The following DNAJB12 variants were observed in gnomAD, a reference collection of about 807,000 sequenced individuals.
DNAJB12 encodes DnaJ heat shock protein family (Hsp40) member B12.
Under a neutral mutation model 40.6 loss-of-function variants are expected in DNAJB12, and 14 were observed. The ratio of observed to expected loss-of-function variants is 0.34; its 90% CI spans 0.23 to 0.54. The LOEUF (loss-of-function observed/expected upper bound fraction) is 0.54, where lower values mean the gene tolerates loss of function less well. Among genes scored for constraint, DNAJB12 ranks in the 20% least tolerant of loss-of-function variants. The probability of loss-of-function intolerance (pLI) is 0.92; values close to 1 mark genes in which losing one functional copy is unlikely to be tolerated. For missense variants in DNAJB12, 444 were observed against 501.7 expected, an observed-to-expected ratio of 0.89 and a Z score of 1.10; for synonymous variants, 181 against 199.5, an observed-to-expected ratio of 0.91 and a Z score of 0.78.
chr10:72,354,817 C>G lies in DNAJB12; in HGVS notation c.81G>C (p.Ala27=). The part of the protein sequence containing the change: ...KAIQSNQPDR[A]LRFLEKAQRL... ...GCTGTGCCTTCTCCAGGAAGCGGAGCGCCCGGTCGGGCTGGTTGCTCTGGA... is the reference window on the plus strand; with the variant it reads ...GCTGTGCCTTCTCCAGGAAGCGGAGGGCCCGGTCGGGCTGGTTGCTCTGGA... Residue 27 remains alanine (A), a synonymous_variant, in exon 1 of 9, where the codon GCG becomes GCC. Transcript: ENST00000444643. The G allele has an allele frequency of 6.2e-7, 1 of 1,613,996 alleles. No homozygotes were observed.
At chr10:72,344,915 T>A (rs3793834) in intron 2 of DNAJB12, 35 bp downstream of exon 2, 55,605 of 1,612,480 alleles carry the variant, frequency 0.034, 2,126 homozygotes, top group African/African-American at 0.2. Context: ...ATTTCCCCAG[T>A]CTCCCCAGGC....
At chr10:72,342,699 G>A (rs1433944212) in intron 3 of DNAJB12, among the ~76,000 whole-genome samples, 2 of 152,240 alleles carry the variant, frequency 1.3e-5, no homozygotes, top group Admixed American at 6.5e-5. Flanking sequence ...AAGACATGGT[G>A]GGAATGAGAG....
At chr10:72,339,547 A>G (rs1861573329) in intron 5 of DNAJB12, among the ~76,000 whole-genome samples, 1 of 152,108 alleles carries the variant, frequency 6.6e-6, no homozygotes, top group Non-Finnish European at 1.5e-5. Flanking sequence ...AAATTAAAAA[A>G]AAAAAAAATT....
chr10:72,336,848 GGA>G (rs1439024409), intron 6 of DNAJB12, 152 bp from the exon 7 acceptor site: 6 of 600,188 alleles, frequency 1.0e-5, no homozygotes, highest in Admixed American at 9.5e-5. Context: ...CTCCCTGAAA[GGA>G]GAGTCTGAGG....
chr10:72,350,842 A>G (rs760167110), intron 1 of DNAJB12, among the ~76,000 whole-genome samples: 1 of 152,164 alleles, frequency 6.6e-6, no homozygotes, highest in Non-Finnish European at 1.5e-5. Flanking sequence ...GAAGGGGGCT[A>G]AGTGCACAGT....
chr10:72,337,045 T>C (rs1424851724), intron 6 of DNAJB12, among the ~76,000 whole-genome samples: 1 of 152,158 alleles, frequency 6.6e-6, no homozygotes, highest in Non-Finnish European at 1.5e-5. Context: ...CTAAGCCAAT[T>C]GTTGCTGAGT....
intron 3 of DNAJB12, among the ~76,000 whole-genome samples, chr10:72,342,722 T>G (rs1211919842): frequency 6.6e-6 from 1 of 152,148 alleles, no homozygotes; most frequent in African/African-American, 2.4e-5. Flanking sequence ...GGCAGTAATG[T>G]TTGGGGCAAT....
chr10:72,352,888 T>G (rs1276314658), intron 1 of DNAJB12, among the ~76,000 whole-genome samples: 1 of 152,162 alleles, frequency 6.6e-6, no homozygotes, highest in Non-Finnish European at 1.5e-5. Flanking sequence ...TCTGTATTAC[T>G]CCCCCTGGGG....
At chr10:72,339,855 C>T (rs903627951) in intron 5 of DNAJB12, among the ~76,000 whole-genome samples, 2 of 151,636 alleles carry the variant, frequency 1.3e-5, no homozygotes, top group African/African-American at 2.4e-5. Context: ...GGATTAAAGG[C>T]GCCTGCCACT....
chr10:72,354,825 C>A lies in DNAJB12; in HGVS notation c.73G>T (p.Asp25Tyr). Residue 25 changes from aspartate to tyrosine, a missense_variant, in exon 1 of 9, where the codon GAC becomes TAC. By Grantham distance (160) the Asp-to-Tyr change is radical (BLOSUM62 -3). Transcript: ENST00000444643. ...ALKAIQSNQP[D>Y]RALRFLEKAQ... ...TTCTCCAGGAAGCGGAGCGCCCGGT[C>A]GGGCTGGTTGCTCTGGATGGCCTTG... The A allele has an allele frequency of 1.2e-6, 2 of 1,613,996 alleles. No homozygotes were observed. The highest frequency in any genetic ancestry group is 1.7e-6 in the Non-Finnish European group (2 of 1,179,916).
chr10:72,346,360 C>T (rs1028493191), intron 1 of DNAJB12, among the ~76,000 whole-genome samples: 10 of 151,974 alleles, frequency 6.6e-5, no homozygotes, highest in Non-Finnish European at 1.5e-4. Flanking sequence ...GAGTCTTGCT[C>T]TGTTGCCCAG....
At position 72,336,682 on chromosome 10, in the gene DNAJB12, A is replaced by T. The variant is rs1162448125; in HGVS notation, c.848T>A (p.Ile283Asn). The change falls in exon 7 of 9, where the codon ATC becomes AAC. Residue 283 changes from isoleucine to asparagine, a missense_variant. By Grantham distance (149) the Ile-to-Asn change is moderately radical (BLOSUM62 -3). Coordinates refer to ENST00000444643, the MANE Select transcript of DNAJB12 (RefSeq NM_017626.7). ...CAGGTGGTCAGTGACTCGCCTGTGG[A>T]TGTGGCCCACGGACCTGGCCAGAAA... ...SLSPRPSVGHIHRRVTDHLGV... is the reference protein window; with the variant it reads ...SLSPRPSVGHNHRRVTDHLGV... 1 of 1,613,956 alleles carries T rather than the reference A, an allele frequency of 6.2e-7. No homozygotes were observed. Among genetic ancestry groups the T allele is most frequent in the East Asian group, 2.2e-5 (1 of 44,878 alleles).
intron 1 of DNAJB12, among the ~76,000 whole-genome samples, chr10:72,352,076 A>T (rs1394013343): frequency 1.3e-5 from 2 of 152,092 alleles, no homozygotes; most frequent in Non-Finnish European, 2.9e-5. Context: ...GCTCAAGGCA[A>T]TTCTCTCCTA....
intron 5 of DNAJB12, among the ~76,000 whole-genome samples, chr10:72,340,083 G>A (rs1265912472): frequency 2.0e-5 from 3 of 152,212 alleles, no homozygotes; most frequent in African/African-American, 2.4e-5. Flanking sequence ...AGTGGCTCAC[G>A]CCCATAATCC....
intron 1 of DNAJB12, among the ~76,000 whole-genome samples, chr10:72,351,617 C>A (rs558912490): frequency 1.4e-4 from 22 of 152,372 alleles, no homozygotes; most frequent in African/African-American, 4.6e-4. Flanking sequence ...TCTCCGGGGA[C>A]TGCCTTTTCC....
At chr10:72,347,620 T>C (rs1174962302) in intron 1 of DNAJB12, among the ~76,000 whole-genome samples, 1 of 152,222 alleles carries the variant, frequency 6.6e-6, no homozygotes, top group Non-Finnish European at 1.5e-5. Context: ...TCATGGCTAT[T>C]GAAAACCAAG....
intron 1 of DNAJB12, chr10:72,354,123 T>C (rs2132012214): frequency 6.6e-6 from 1 of 152,308 alleles, no homozygotes; most frequent in South Asian, 2.1e-4. Context: ...GTGGCTGAGG[T>C]CAGCACCTCC....
intron 3 of DNAJB12, 140 bp from the exon 4 acceptor site, chr10:72,341,310 G>C: frequency 1.2e-6 from 1 of 820,058 alleles, no homozygotes; most frequent in Non-Finnish European, 1.9e-6. Context: ...CAGGAAGCTT[G>C]GCCAGTGTAA....
In DNAJB12 at chr10:72,336,563, C is replaced by T. The variant is rs867979745; in HGVS notation, c.967G>A (p.Ala323Thr). 1.2e-6 allele frequency: 2 copies of T among 1,614,064 alleles called. No individual in the cohort carries two copies. The highest frequency in any genetic ancestry group is 1.3e-5 in the African/African-American group (1 of 75,044). Residue 323 changes from alanine (A) to threonine (T), a missense_variant, in exon 7 of 9, where the codon GCC becomes ACC. Coordinates refer to ENST00000444643, the MANE Select transcript of DNAJB12 (RefSeq NM_017626.7). ...VERNVEDDYI[A>T]NLRNNCWKEK... ...TTCCAGCAGTTGTTCCGGAGGTTGG[C>T]GATATAATCATCTTCCACATTCCGC...
Sources: allele counts gnomAD v4.1 joint callset (sites outside exome capture counted in the v4.1 genomes callset), GRCh38; gene constraint gnomAD v4.1.1; transcripts MANE v1.5; gene names NCBI Gene and HGNC (gene_info 2026-07-23, HGNC 2026-07-21).